The following IL1RL2 variants were observed in gnomAD, a reference collection of about 807,000 sequenced individuals.
IL1RL2 encodes the protein interleukin-1 receptor-like 2.
In IL1RL2, 68 loss-of-function variants were observed where a neutral mutation model predicts 66.8. That is an observed-to-expected ratio of 1.02 (90% CI 0.84 to 1.25). The LOEUF (loss-of-function observed/expected upper bound fraction) is 1.25. Among genes scored for constraint, IL1RL2 ranks in the 50% most tolerant of loss-of-function variants. The pLI is 0.00. For synonymous variants in IL1RL2, 305 were observed against 264.6 expected, an observed-to-expected ratio of 1.15 and a Z score of -1.48; for missense variants, 729 against 709.3, an observed-to-expected ratio of 1.03 and a Z score of -0.32.
At position 102,235,209 on chromosome 2, in the gene IL1RL2, C is replaced by T. The variant is rs200652363; in HGVS notation, c.1610C>T (p.Pro537Leu). Reference sequence around the variant, plus strand: ...TGGAAGACAGTGAGATACCACATGCCGCCCAGAAGGTGTCGGCCGTTTCCT... The same window carrying T: ...TGGAAGACAGTGAGATACCACATGCTGCCCAGAAGGTGTCGGCCGTTTCCT... ...KFWKTVRYHM[P>L]PRRCRPFPPV... The change falls in exon 11 of 12, where the codon CCG (proline) becomes CTG (leucine). Residue 537 changes from proline (P) to leucine (L), a missense_variant. By Grantham distance (98) the Pro-to-Leu change is moderately conservative (BLOSUM62 -3). Coordinates refer to ENST00000264257, the MANE Select transcript of IL1RL2 (RefSeq NM_003854.4). 24 of 1,614,082 alleles carry T rather than the reference C, an allele frequency of 1.5e-5. No individual in the cohort carries two copies. The highest frequency in any genetic ancestry group is 3.3e-5 in the Admixed American group (2 of 60,010).
Position 102,230,117 on chromosome 2 carries a change from C to A in IL1RL2, c.1136-2846C>A, listed in dbSNP as rs533366345. On this transcript the variant is annotated intron_variant, in intron 9 of 11. Coordinates refer to ENST00000264257, the MANE Select transcript of IL1RL2 (RefSeq NM_003854.4). The stretch of plus-strand genomic sequence containing the variant: ...CACTGTATTTACCAGAGAGGTTATT[C>A]TCTGTGGTGAACCGAGCATCAACTC... Among the ~76,000 whole-genome samples the A allele has an allele frequency of 1.8e-4, 28 of 152,286 alleles. 1 individual carries two copies. The South Asian group carries it at 5.8e-3, about 32-fold the overall frequency.
chr2:102,187,262 G>A, intron 1 of IL1RL2, 176 bp downstream of exon 1: 1 of 1,183,182 alleles, frequency 8.5e-7, no homozygotes, highest in African/African-American at 1.6e-5. Context: ...CCGTCTCTGG[G>A]TCGAGGAGTG....
intron 5 of IL1RL2, among the ~76,000 whole-genome samples, chr2:102,209,264 G>A (rs1688954701): frequency 6.6e-6 from 1 of 152,226 alleles, no homozygotes; most frequent in Non-Finnish European, 1.5e-5. Flanking sequence ...TGGTGATGGT[G>A]AATCTAGGGG....
At chr2:102,224,636 T>G (rs1005828413) in intron 8 of IL1RL2, among the ~76,000 whole-genome samples, 1 of 152,040 alleles carries the variant, frequency 6.6e-6, no homozygotes, top group African/African-American at 2.4e-5. Flanking sequence ...AGTTTGATAG[T>G]AGGAATGAGA....
At chr2:102,216,014 A>G (rs1439296512) in intron 6 of IL1RL2, among the ~76,000 whole-genome samples, 2 of 152,248 alleles carry the variant, frequency 1.3e-5, no homozygotes, top group Admixed American at 6.5e-5. Context: ...AAGGAGCACA[A>G]TAATTCTCCA....
chr2:102,192,134 T>A lies in IL1RL2; in HGVS notation c.489+14T>A. On this transcript the variant is annotated intron_variant, in intron 4 of 11. Transcript: ENST00000264257. ...AAGTGGTATAAGGTAAAAAAGAATT[T>A]TCTTATTGATATTTTTCCTCCTTTT... 2.6e-6 allele frequency: 4 copies of A among 1,518,730 alleles called. No individual in the cohort carries two copies. Among genetic ancestry groups the A allele is most frequent in the Non-Finnish European group, 3.5e-6 (4 of 1,129,444 alleles). 94.1% of individuals were successfully genotyped at this position (1,518,730 alleles called of 1,614,324 possible). A position where few individuals can be genotyped will look rare whatever the true frequency, so the allele number is the denominator to read the frequency against.
rs367736846 is a variant in IL1RL2, at chr2:102,207,144, G to A, written c.650-4956G>A. Among the ~76,000 whole-genome samples, 6 of 152,238 alleles carry A rather than the reference G, an allele frequency of 3.9e-5. No homozygotes were observed. In the East Asian group the frequency reaches 1.2e-3, roughly 29 times the overall value. ...CCTGGGACTCACTCTTCAGGGCACT[G>A]GGCTCCCTTCTGGCCCAGGGCATGT... On this transcript the variant is annotated intron_variant, in intron 5 of 11. Transcript: ENST00000264257.
intron 8 of IL1RL2, among the ~76,000 whole-genome samples, chr2:102,225,109 G>A (rs1690485501): frequency 6.6e-6 from 1 of 152,190 alleles, no homozygotes. Flanking sequence ...TTGGGCTGCG[G>A]TGAGGCAGAA....
chr2:102,235,794 C>G (rs1179590269), intron 11 of IL1RL2: 1 of 985,310 alleles, frequency 1.0e-6, no homozygotes, highest in Non-Finnish European at 1.2e-6. Flanking sequence ...GCGTCTCTCT[C>G]ACTCTGTCAG....
chr2:102,201,440 AC>A, intron 4 of IL1RL2, 115 bp from the exon 5 acceptor site: 5 of 858,060 alleles, frequency 5.8e-6, no homozygotes, highest in Non-Finnish European at 7.5e-6. Flanking sequence ...TTTTCTATTT[AC>A]CTAGCTAGCT....
chr2:102,204,918 T>G (rs1353969605), intron 5 of IL1RL2, among the ~76,000 whole-genome samples: 1 of 152,014 alleles, frequency 6.6e-6, no homozygotes, highest in African/African-American at 2.4e-5. Flanking sequence ...TGTTTTGGTC[T>G]TCTCTTCCTC....
intron 8 of IL1RL2, 57 bp from the exon 9 acceptor site, chr2:102,225,841 C>A: frequency 7.5e-7 from 1 of 1,335,930 alleles, no homozygotes; most frequent in Non-Finnish European, 1.0e-6. Context: ...ATATAATGGA[C>A]TCTTTGTTTC....
chr2:102,239,094 C>CAA, intron 11 of IL1RL2, 98 bp from the exon 12 acceptor site: 1 of 1,029,952 alleles, frequency 9.7e-7, no homozygotes, highest in Non-Finnish European at 1.5e-6. Flanking sequence ...GAACTGACGG[C>CAA]AAGGTGGAGG....
At chr2:102,209,952 C>A (rs1689019329) in intron 5 of IL1RL2, among the ~76,000 whole-genome samples, 1 of 152,130 alleles carries the variant, frequency 6.6e-6, no homozygotes, top group African/African-American at 2.4e-5. Flanking sequence ...CAGCCACCCC[C>A]ACTGCTCTGA....
intron 7 of IL1RL2, 152 bp downstream of exon 7, chr2:102,219,234 TAAAAG>T: frequency 1.1e-6 from 1 of 878,778 alleles, no homozygotes; most frequent in Non-Finnish European, 1.8e-6. Context: ...GGAGATATGG[TAAAAG>T]ACCAGGTATC....
rs776613714 is a variant in IL1RL2 at position 102,235,065 on chromosome 2, A to G, written c.1466A>G (p.Glu489Gly). ...ATGAAGGTTATTCTCATTGAGCTGG[A>G]GAAAATCGAGGACTACACAGTCATG... ...DGMKVILIEL[E>G]KIEDYTVMPE... The change falls in exon 11 of 12, where the codon GAG becomes GGG. Residue 489 changes from glutamate (E) to glycine (G), a missense_variant. Physicochemically the swap from Glu to Gly is moderately conservative, Grantham distance 98 (BLOSUM62 -2). Coordinates refer to ENST00000264257, the MANE Select transcript of IL1RL2 (RefSeq NM_003854.4). 1.2e-6 allele frequency: 2 copies of G among 1,614,168 alleles called. No homozygotes were observed. The highest frequency in any genetic ancestry group is 3.3e-5 in the Admixed American group (2 of 60,026).
intron 5 of IL1RL2, among the ~76,000 whole-genome samples, chr2:102,206,124 T>A (rs985147897): frequency 4.6e-5 from 7 of 152,170 alleles, no homozygotes; most frequent in Non-Finnish European, 1.0e-4. Context: ...TAAATTTATC[T>A]GATAGAATTC....
Position 102,225,973 on chromosome 2 carries a change from A to G in IL1RL2, c.1067A>G (p.Tyr356Cys). 3 of 1,610,244 alleles carry G rather than the reference A, an allele frequency of 1.9e-6. No homozygotes were observed. Among genetic ancestry groups the G allele is most frequent in the Non-Finnish European group, 2.5e-6 (3 of 1,178,086 alleles). The change falls in exon 9 of 12, where the codon TAC (tyrosine) becomes TGC (cysteine). Residue 356 changes from tyrosine (Y) to cysteine (C), a missense_variant. Coordinates refer to ENST00000264257, the MANE Select transcript of IL1RL2 (RefSeq NM_003854.4). ...GTGGCTGTGTCTGTTGTGTACATAT[A>G]CAACATTTTTAAGATCGACATTGTT... is the stretch of plus-strand genomic sequence containing the variant. ...VAVAVSVVYI[Y>C]NIFKIDIVLW...
Position 102,218,992 on chromosome 2 carries a change from A to C in IL1RL2, c.764A>C (p.Lys255Thr), listed in dbSNP as rs1689855066. The stretch of plus-strand genomic sequence containing the variant: ...GTGGACTGCAATGTAACAGACACCA[A>C]GGATAATACAAATCTACGATGCTGG... Reference protein sequence around the residue: ...LIVDCNVTDTKDNTNLRCWRV... With the variant: ...LIVDCNVTDTTDNTNLRCWRV... Residue 255 changes from lysine (K) to threonine (T), a missense_variant, in exon 7 of 12, where the codon AAG becomes ACG. Physicochemically the swap from Lys to Thr is moderately conservative, Grantham distance 78 (BLOSUM62 -1). Coordinates refer to ENST00000264257, the MANE Select transcript of IL1RL2 (RefSeq NM_003854.4). 1 of 1,613,620 alleles carries C rather than the reference A, an allele frequency of 6.2e-7. No individual in the cohort carries two copies. Among genetic ancestry groups the C allele is most frequent in the East Asian group, 2.2e-5 (1 of 44,868 alleles).
Sources: gnomAD v4.1 joint callset for allele counts (sites outside exome capture counted in the v4.1 genomes callset) on GRCh38, gnomAD v4.1.1 for gene constraint, MANE v1.5 for transcripts, NCBI Gene and HGNC (gene_info 2026-07-23, HGNC 2026-07-21) for gene names.